The following BRAP variants were observed in gnomAD, a reference collection of about 807,000 sequenced individuals.
BRAP encodes the protein BRCA1 associated protein, also known as BRCA1-associated protein.
Under a neutral mutation model 73.4 loss-of-function variants are expected in BRAP, and 42 were observed. The observed-to-expected ratio is 0.57, with a 90% CI of 0.45 to 0.74. The LOEUF (loss-of-function observed/expected upper bound fraction) is 0.74. BRAP is among the 30% of genes least tolerant of loss of function. The pLI is 0.00. For synonymous variants in BRAP, 255 were observed against 267.4 expected, an observed-to-expected ratio of 0.95 and a Z score of 0.45; for missense variants, 593 against 751.4, an observed-to-expected ratio of 0.79 and a Z score of 2.46.
chr12:111,668,892 G>A lies in BRAP; in HGVS notation c.748-3105C>T, dbSNP rs1309037889. Among the ~76,000 whole-genome samples the A allele has an allele frequency of 2.0e-5, 3 of 152,092 alleles. No individual in the cohort carries two copies. In the East Asian group the frequency reaches 5.8e-4, roughly 29 times the overall value. On this transcript the variant is annotated intron_variant, in intron 5 of 11. Coordinates refer to ENST00000419234, the MANE Select transcript of BRAP (RefSeq NM_006768.5). ...AAGATGGTCTCGATCTCCTGACCTC[G>A]TGATCCACCCTCAACCTCCCAAAGT...
At chr12:111,646,722 G>A (rs1886125317) in intron 11 of BRAP, among the ~76,000 whole-genome samples, 1 of 152,260 alleles carries the variant, frequency 6.6e-6, no homozygotes, top group Non-Finnish European at 1.5e-5. Context: ...GCAGTGAGTC[G>A]AGATCGTGCC....
Position 111,644,258 on chromosome 12 carries a change from A to C in BRAP, c.1720T>G (p.Ser574Ala). The C allele has an allele frequency of 6.2e-7, 1 of 1,613,998 alleles. No homozygotes were observed. Among genetic ancestry groups the C allele is most frequent in the South Asian group, 1.1e-5 (1 of 91,078 alleles). ...GGCAACTTCCCACTGCCCCCCGAAG[A>C]GGCAGGGCTCGAGGCCGAGGCCATG... ...IAMASASSPA[S>A]SGGSGKLPSR... The change falls in exon 12 of 12, where the codon TCT becomes GCT. Residue 574 changes from serine to alanine, a missense_variant. Coordinates refer to ENST00000419234, the MANE Select transcript of BRAP (RefSeq NM_006768.5).
At chr12:111,682,660 C>T (rs1397969269) in intron 2 of BRAP, among the ~76,000 whole-genome samples, 1 of 152,122 alleles carries the variant, frequency 6.6e-6, no homozygotes, top group Non-Finnish European at 1.5e-5. Context: ...ACCTGTAATT[C>T]CAGCACTTTG....
intron 5 of BRAP, among the ~76,000 whole-genome samples, chr12:111,667,471 C>T (rs1277063493): frequency 3.3e-5 from 5 of 151,822 alleles, no homozygotes; most frequent in African/African-American, 1.2e-4. Flanking sequence ...GAGGCCGAGG[C>T]GGGTGGATCA....
intron 9 of BRAP, 37 bp from the exon 10 acceptor site, chr12:111,655,692 A>G (rs1886502364): frequency 6.7e-7 from 1 of 1,492,358 alleles, no homozygotes; most frequent in Non-Finnish European, 9.3e-7. Context: ...AATGTAAGTC[A>G]CTGTTGTCAG....
intron 5 of BRAP, chr12:111,670,242 G>A (rs1592988434): frequency 1.7e-5 from 10 of 599,602 alleles, no homozygotes; most frequent in Admixed American, 5.6e-5. Context: ...TCAATGCTGC[G>A]ACTGGAACTT....
chr12:111,650,496 C>A (rs1234663875), intron 10 of BRAP, among the ~76,000 whole-genome samples: 2 of 152,208 alleles, frequency 1.3e-5, no homozygotes, highest in African/African-American at 2.4e-5. Flanking sequence ...GAACACCTGA[C>A]CTCAGGTGAT....
intron 5 of BRAP, among the ~76,000 whole-genome samples, chr12:111,670,668 T>G (rs1405647791): frequency 6.6e-6 from 1 of 152,192 alleles, no homozygotes; most frequent in African/African-American, 2.4e-5. Context: ...TTTTTGTATA[T>G]TTAGTAGAGA....
chr12:111,660,608 C>G lies in BRAP; in HGVS notation c.964G>C (p.Val322Leu). Residue 322 changes from valine to leucine, a missense_variant, in exon 7 of 12, where the codon GTT becomes CTT. By Grantham distance (32) the Val-to-Leu change is conservative (BLOSUM62 1). Around this residue, in one of 4 missense-constraint regions of BRAP, gnomAD observed 67 missense variants for 158.0 expected, o/e 0.42. Coordinates refer to ENST00000419234, the MANE Select transcript of BRAP (RefSeq NM_006768.5). ...VEENKCFECGVQENLWICLIC... is the reference protein window; with the variant it reads ...VEENKCFECGLQENLWICLIC... ...CATCACCCATTACTTACTTCCTGAA[C>G]ACCACACTCAAAACACTTATTTTCT... The G allele has an allele frequency of 6.2e-7, 1 of 1,604,194 alleles. No individual in the cohort carries two copies. Among genetic ancestry groups the G allele is most frequent in the Non-Finnish European group, 8.5e-7 (1 of 1,175,114 alleles).
chr12:111,685,846 C>A lies in BRAP; in HGVS notation c.-54G>T, dbSNP rs939305849. 1.3e-5 allele frequency: 18 copies of A among 1,340,606 alleles called. No homozygotes were observed. The highest frequency in any genetic ancestry group is 1.1e-4 in the Admixed American group (3 of 28,294). 83.0% of individuals were successfully genotyped at this position (1,340,606 alleles called of 1,614,324 possible). A position where few individuals can be genotyped will look rare whatever the true frequency, so the allele number is the denominator to read the frequency against. On this transcript the variant is annotated 5_prime_UTR_variant, in exon 1 of 12. Coordinates refer to ENST00000419234, the MANE Select transcript of BRAP (RefSeq NM_006768.5). ...GGCGGGCTCAGGCGAGGCTGGAAGGCGAGCCGAGAGGCCGAGCGGCCCGGG... is the reference window on the plus strand; with the variant it reads ...GGCGGGCTCAGGCGAGGCTGGAAGGAGAGCCGAGAGGCCGAGCGGCCCGGG...
Position 111,659,279 on chromosome 12 carries a change from T to G in BRAP, c.1039A>C (p.Lys347Gln). ...CGRYVSRHAY[K>Q]HFEETQHTYA... ...GTGTGCTGCGTTTCCTCAAAGTGCT[T>G]ATAAGCATGTCGACTGACATACCGT... Residue 347 changes from lysine to glutamine, a missense_variant, in exon 8 of 12, where the codon AAG becomes CAG. Lys to Gln is a moderately conservative substitution (Grantham distance 53). This residue lies in a region of BRAP where 67 missense variants were observed against 158.0 expected (regional missense o/e 0.42). Coordinates refer to ENST00000419234, the MANE Select transcript of BRAP (RefSeq NM_006768.5). 2 of 1,614,116 alleles carry G rather than the reference T, an allele frequency of 1.2e-6. No individual in the cohort carries two copies. The highest frequency in any genetic ancestry group is 1.7e-6 in the Non-Finnish European group (2 of 1,179,968).
At chr12:111,647,364 T>G (rs1383848572) in intron 11 of BRAP, among the ~76,000 whole-genome samples, 3 of 152,170 alleles carry the variant, frequency 2.0e-5, no homozygotes, top group Non-Finnish European at 4.4e-5. Flanking sequence ...TTAGATGTGC[T>G]AGTATGAAAA....
chr12:111,674,727 T>C (rs1254810422), intron 4 of BRAP, among the ~76,000 whole-genome samples: 1 of 152,216 alleles, frequency 6.6e-6, no homozygotes, highest in East Asian at 1.9e-4. Flanking sequence ...AGCCAGCTGT[T>C]GGAGAAGAAG....
intron 9 of BRAP, among the ~76,000 whole-genome samples, chr12:111,656,410 G>A (rs532672196): frequency 1.9e-4 from 29 of 152,210 alleles, no homozygotes; most frequent in Non-Finnish European, 3.7e-4. Context: ...AGAAATGAAT[G>A]AGTAACACTA....
In BRAP at chr12:111,652,997, A is replaced by C. The variant is rs147220603; in HGVS notation, c.1311+2569T>G. ...GTGCTGGGAATTACAGGCGTGATCC[A>C]CTGTGCCCGGCCAACCCCCCGATCT... On this transcript the variant is annotated intron_variant, in intron 10 of 11. Transcript: ENST00000419234. 2.1e-3 allele frequency among the ~76,000 whole-genome samples: 321 copies of C among 152,220 alleles called. 1 individual carries two copies. The highest frequency in any genetic ancestry group is 7.3e-3 in the African/African-American group (305 of 41,540).
chr12:111,644,226 C>T lies in BRAP; in HGVS notation c.1752G>A (p.Arg584=). 1 of 1,612,862 alleles carries T rather than the reference C, an allele frequency of 6.2e-7. No homozygotes were observed. The highest frequency in any genetic ancestry group is 1.1e-5 in the South Asian group (1 of 91,072). Residue 584 remains arginine, a synonymous_variant, in exon 12 of 12, where the codon AGG becomes AGA. Coordinates refer to ENST00000419234, the MANE Select transcript of BRAP (RefSeq NM_006768.5). Reference sequence around the variant, plus strand: ...ACTTGCCCCTCTTGCTGCGGCCCTTCCTGGAGGGCAACTTCCCACTGCCCC... The same window carrying T: ...ACTTGCCCCTCTTGCTGCGGCCCTTTCTGGAGGGCAACTTCCCACTGCCCC... ...SSGGSGKLPS[R]KGRSKRGK
In BRAP at chr12:111,666,659, T is replaced by C. The variant is rs540027130; in HGVS notation, c.748-872A>G. ...ACAACAGGGTGTGAATTAGGGGGCA[T>C]GACAGTCTAGATGGTCAGGAAAGGC... On this transcript the variant is annotated intron_variant, in intron 5 of 11. Transcript: ENST00000419234. Among the ~76,000 whole-genome samples, 18 of 152,282 alleles carry C rather than the reference T, an allele frequency of 1.2e-4. No homozygotes were observed. In the East Asian group the frequency reaches 3.3e-3, roughly 28 times the overall value.
rs530012396 is a variant in BRAP, at chr12:111,665,036, T to G, written c.896+603A>C. Reference sequence around the variant, plus strand: ...GCCAGCATCTGATACACCTTTCTGGTTAAGTCCCACAGTGCAGTCTGCAAA... The same window carrying G: ...GCCAGCATCTGATACACCTTTCTGGGTAAGTCCCACAGTGCAGTCTGCAAA... On this transcript the variant is annotated intron_variant, in intron 6 of 11. Transcript: ENST00000419234. The surrounding 1 kb of genome is among the most constrained non-coding windows in gnomAD (Gnocchi z 4.3). Among the ~76,000 whole-genome samples the G allele has an allele frequency of 1.6e-4, 25 of 152,280 alleles. No individual in the cohort carries two copies. The highest frequency in any genetic ancestry group is 6.8e-3 in the Middle Eastern group (2 of 294).
chr12:111,657,738 G>A lies in BRAP; in HGVS notation c.1221+998C>T, dbSNP rs185038075. Among the ~76,000 whole-genome samples, 519 of 152,106 alleles carry A rather than the reference G, an allele frequency of 3.4e-3. 1 individual carries two copies. The highest frequency in any genetic ancestry group is 5.1e-3 in the Non-Finnish European group (348 of 68,000). On this transcript the variant is annotated intron_variant, in intron 9 of 11. Transcript: ENST00000419234. The stretch of plus-strand genomic sequence containing the variant: ...ACTAAAAATACAAAAAATTAGCTGG[G>A]CATGGTGGCACACACCTGTAGTCCC...
Sources: gnomAD v4.1 joint callset for allele counts (sites outside exome capture counted in the v4.1 genomes callset) on GRCh38, gnomAD v4.1.1 for gene constraint, gnomAD v4.1.1 regional missense constraint, Gnocchi (gnomAD v3.1) non-coding constraint, MANE v1.5 for transcripts, NCBI Gene and HGNC (gene_info 2026-07-23, HGNC 2026-07-21) for gene names.